Variants in ITGA8 observed in about 807,000 individuals in gnomAD.
ITGA8 encodes the protein integrin subunit alpha 8, also known as integrin alpha-8.
ITGA8 carries 91 observed loss-of-function variants against 142.3 expected under a neutral mutation model. The ratio of observed to expected loss-of-function variants is 0.64; its 90% CI spans 0.54 to 0.76. The LOEUF is 0.76. Ranked by LOEUF, ITGA8 falls within the 30% of genes least tolerant of loss-of-function variation. ITGA8 has a pLI of 0.00. For missense variants in ITGA8, 1,406 were observed against 1,327.7 expected, an observed-to-expected ratio of 1.06 and a Z score of -0.92; for synonymous variants, 505 against 485.2, an observed-to-expected ratio of 1.04 and a Z score of -0.54.
intron 15 of ITGA8, 138 bp from the exon 16 acceptor site, chr10:15,608,428 C>T (rs1202384883): frequency 2.3e-5 from 13 of 553,620 alleles, no homozygotes; most frequent in Non-Finnish European, 3.5e-5. Flanking sequence ...CACACACCCA[C>T]ACACACACCC....
intron 6 of ITGA8, among the ~76,000 whole-genome samples, chr10:15,675,790 A>G (rs1834618102): frequency 6.6e-6 from 1 of 152,198 alleles, no homozygotes; most frequent in African/African-American, 2.4e-5. Context: ...GTGGTTTTCC[A>G]TAGTTTGTAG....
chr10:15,644,093 C>A lies in ITGA8; in HGVS notation c.1336G>T (p.Val446Phe). 6.2e-7 allele frequency: 1 copy of A among 1,614,052 alleles called. No individual in the cohort carries two copies. Among genetic ancestry groups the A allele is most frequent in the Non-Finnish European group, 8.5e-7 (1 of 1,179,986 alleles). Residue 446 changes from valine (V) to phenylalanine (F), a missense_variant, in exon 13 of 30, where the codon GTC becomes TTC. Physicochemically the swap from Val to Phe is conservative, Grantham distance 50 (BLOSUM62 -1). Transcript: ENST00000378076. ...AAAGTAAAGCCAAATCCGGAAGGGA[C>A]AGCATGTGAGGCCCACACTCCTTGC... The part of the protein sequence containing the change: ...VLQGVWASHA[V>F]PSGFGFTLRG...
chr10:15,601,491 G>C (rs1024178946), intron 20 of ITGA8, among the ~76,000 whole-genome samples: 1 of 152,124 alleles, frequency 6.6e-6, no homozygotes, highest in Non-Finnish European at 1.5e-5. Context: ...TCTGGAGATG[G>C]ACAGTGCTGA....
At chr10:15,691,288 C>A (rs1834929494) in intron 2 of ITGA8, among the ~76,000 whole-genome samples, 1 of 152,090 alleles carries the variant, frequency 6.6e-6, no homozygotes, top group Admixed American at 6.5e-5. Context: ...AAAGGAAGTT[C>A]CTCAAAAAAT....
chr10:15,576,318 T>C (rs1834297150), intron 23 of ITGA8, among the ~76,000 whole-genome samples: 2 of 152,162 alleles, frequency 1.3e-5, no homozygotes, highest in South Asian at 4.1e-4. Context: ...TGATTATTTT[T>C]TCCTGCAACG....
chr10:15,610,950 CT>C (rs957134651), intron 15 of ITGA8, among the ~76,000 whole-genome samples: 11 of 152,196 alleles, frequency 7.2e-5, no homozygotes, highest in Middle Eastern at 3.4e-3. Context: ...ATTGAGCTGG[CT>C]TTTTTCCCCC....
chr10:15,719,786 G>GT lies in ITGA8; in HGVS notation c.-16dup. 5.9e-6 allele frequency: 8 copies of GT among 1,345,912 alleles called. No homozygotes were observed. The highest frequency in any genetic ancestry group is 7.6e-6 in the Non-Finnish European group (8 of 1,057,082). 83.4% of individuals were successfully genotyped at this position (1,345,912 alleles called of 1,614,324 possible). ...CCGGGCGACATCTCCCTCCGCCCCG[G>GT]TGGGTGGCTGCTACCCAGGAGCGCG... On this transcript the variant is annotated 5_prime_UTR_variant, in exon 1 of 30. Coordinates refer to ENST00000378076, the MANE Select transcript of ITGA8 (RefSeq NM_003638.3).
chr10:15,674,669 T>G (rs1259859014), intron 6 of ITGA8, among the ~76,000 whole-genome samples: 2 of 152,178 alleles, frequency 1.3e-5, no homozygotes, highest in African/African-American at 4.8e-5. Context: ...TGGTGGCTCA[T>G]GCCTGTAATC....
At chr10:15,658,429 G>A (rs1366080327) in intron 10 of ITGA8, among the ~76,000 whole-genome samples, 2 of 151,566 alleles carry the variant, frequency 1.3e-5, no homozygotes, top group African/African-American at 2.4e-5. Flanking sequence ...TCCCCCACCA[G>A]TCTCCCATGA....
chr10:15,600,341 A>G (rs1000672979), intron 20 of ITGA8, among the ~76,000 whole-genome samples: 1 of 152,240 alleles, frequency 6.6e-6, no homozygotes, highest in Non-Finnish European at 1.5e-5. Flanking sequence ...CTCAATTATT[A>G]TTGTCTCAAC....
intron 24 of ITGA8, among the ~76,000 whole-genome samples, chr10:15,574,431 G>A (rs537346463): frequency 5.1e-4 from 78 of 152,046 alleles, no homozygotes; most frequent in African/African-American, 1.5e-3. Context: ...TCACTCTGTC[G>A]CCAGGCTGGA....
At position 15,572,369 on chromosome 10, in the gene ITGA8, G is replaced by T; in HGVS notation, c.2479C>A (p.Leu827Met). Residue 827 changes from leucine to methionine, a missense_variant and splice_region_variant, in exon 25 of 30, where the codon CTG becomes ATG. Coordinates refer to ENST00000378076, the MANE Select transcript of ITGA8 (RefSeq NM_003638.3). ...ATGGTACTTGGTCCAATATTGTGCAGCTGTAAACAAGTGACATGTTATCTA... is the reference window on the plus strand; with the variant it reads ...ATGGTACTTGGTCCAATATTGTGCATCTGTAAACAAGTGACATGTTATCTA... ...VGPLVEHIYE[L>M]HNIGPSTISD... 5 of 1,613,520 alleles carry T rather than the reference G, an allele frequency of 3.1e-6. No individual in the cohort carries two copies. The highest frequency in any genetic ancestry group is 1.1e-5 in the South Asian group (1 of 90,928).
chr10:15,630,339 C>T (rs765614679), intron 13 of ITGA8, among the ~76,000 whole-genome samples: 7 of 152,044 alleles, frequency 4.6e-5, no homozygotes, highest in Admixed American at 2.6e-4. Flanking sequence ...TATTCATATT[C>T]ATTCATTCAA....
intron 12 of ITGA8, among the ~76,000 whole-genome samples, chr10:15,645,239 G>GT (rs1319845010): frequency 2.0e-5 from 3 of 151,352 alleles, no homozygotes; most frequent in African/African-American, 4.9e-5. Flanking sequence ...CCATCCCCTT[G>GT]TTTACTCTCA....
chr10:15,715,231 C>T (rs955444235), intron 2 of ITGA8, among the ~76,000 whole-genome samples: 2 of 152,084 alleles, frequency 1.3e-5, no homozygotes, highest in Non-Finnish European at 2.9e-5. Flanking sequence ...ATCATTCCCA[C>T]CAAGACAAAC....
intron 11 of ITGA8, among the ~76,000 whole-genome samples, chr10:15,653,071 G>C (rs951945388): frequency 1.3e-5 from 2 of 152,190 alleles, no homozygotes; most frequent in African/African-American, 4.8e-5. Flanking sequence ...TCATGATGCA[G>C]CTCCCCAGGG....
At chr10:15,524,705 C>T (rs1045094962) in intron 28 of ITGA8, among the ~76,000 whole-genome samples, 3 of 152,158 alleles carry the variant, frequency 2.0e-5, no homozygotes, top group Admixed American at 6.6e-5. Context: ...TAAGAGAAGA[C>T]GACTTAACTG....
At position 15,515,620 on chromosome 10, in the gene ITGA8, A is replaced by C. The variant is rs1300969926; in HGVS notation, c.*1538T>G. 1.3e-5 allele frequency: 2 copies of C among 150,922 alleles called. No homozygotes were observed. 9.3% of individuals were successfully genotyped at this position (150,922 alleles called of 1,614,324 possible). A position where few individuals can be genotyped will look rare whatever the true frequency, so the allele number is the denominator to read the frequency against. The stretch of plus-strand genomic sequence containing the variant: ...ATTTAGGAAATTAATTAAAAAAAAA[A>C]ACGCCAGTGTAAACATGCTTCAGAT... On this transcript the variant is annotated 3_prime_UTR_variant, in exon 30 of 30. Coordinates refer to ENST00000378076, the MANE Select transcript of ITGA8 (RefSeq NM_003638.3).
chr10:15,671,186 A>C (rs1834509451), intron 8 of ITGA8, among the ~76,000 whole-genome samples: 1 of 152,202 alleles, frequency 6.6e-6, no homozygotes, highest in African/African-American at 2.4e-5. Context: ...GTATGTTAAA[A>C]GAGGAAAAAG....
Sources: gnomAD v4.1 joint callset for allele counts (sites outside exome capture counted in the v4.1 genomes callset) on GRCh38, gnomAD v4.1.1 for gene constraint, MANE v1.5 for transcripts, NCBI Gene and HGNC (gene_info 2026-07-23, HGNC 2026-07-21) for gene names.